Variants in MARCHF7 observed in about 807,000 individuals in gnomAD.
MARCHF7 encodes the protein E3 ubiquitin-protein ligase MARCHF7.
A neutral mutation model predicts 76.5 loss-of-function variants in MARCHF7; 20 were observed. That is an observed-to-expected ratio of 0.26 (90% CI 0.18 to 0.38). The LOEUF (loss-of-function observed/expected upper bound fraction) is 0.38. Among genes scored for constraint, MARCHF7 ranks in the 10% least tolerant of loss-of-function variants. The pLI is 1.00. For missense variants in MARCHF7, 797 were observed against 812.9 expected (o/e 0.98, Z 0.24); for synonymous variants, 295 against 293.0 (o/e 1.01, Z -0.07).
intron 7 of MARCHF7, among the ~76,000 whole-genome samples, 191 bp downstream of exon 7, chr2:159,749,094 T>G (rs1278417935): frequency 6.6e-6 from 1 of 151,316 alleles, no homozygotes; most frequent in Non-Finnish European, 1.5e-5. Context: ...TTCTCCTGTT[T>G]CAGCCTCCCG....
At chr2:159,733,031 TATA>T (rs1273141626) in intron 4 of MARCHF7, 1 of 609,816 alleles carries the variant, frequency 1.6e-6, no homozygotes, top group Non-Finnish European at 2.1e-6. Context: ...TGTTACTAAT[TATA>T]ATTATTTATA....
chr2:159,750,006 A>G (rs1306460697), intron 7 of MARCHF7, among the ~76,000 whole-genome samples: 2 of 152,212 alleles, frequency 1.3e-5, no homozygotes, highest in Admixed American at 1.3e-4. Flanking sequence ...TTTGATTCAC[A>G]AGATAAAATT....
At chr2:159,749,357 T>C (rs1457443703) in intron 7 of MARCHF7, among the ~76,000 whole-genome samples, 1 of 151,898 alleles carries the variant, frequency 6.6e-6, no homozygotes, top group Non-Finnish European at 1.5e-5. Context: ...TTTTTGTTGT[T>C]GTTGTTGTTG....
At position 159,729,079 on chromosome 2, in the gene MARCHF7, C is replaced by G. The variant is rs766188307; in HGVS notation, c.57C>G (p.Ser19=). 9 of 1,610,928 alleles carry G rather than the reference C, an allele frequency of 5.6e-6. No individual in the cohort carries two copies. Among genetic ancestry groups the G allele is most frequent in the Non-Finnish European group, 7.6e-6 (9 of 1,178,804 alleles). The change falls in exon 4 of 12, where the codon TCC becomes TCG. Residue 19 remains serine (S), a synonymous_variant. Transcript: ENST00000409175. The part of the protein sequence containing the change: ...PRRISVQPSS[S]LSARMMSGSR... ...GAATTTCTGTTCAACCTTCCAGCTCCTTAAGTGCTAGGATGATGTCTGGAA... is the reference window on the plus strand; with the variant it reads ...GAATTTCTGTTCAACCTTCCAGCTCGTTAAGTGCTAGGATGATGTCTGGAA...
intron 2 of MARCHF7, 46 bp from the exon 3 acceptor site, chr2:159,715,635 A>C (rs1035018513): frequency 6.6e-6 from 1 of 152,144 alleles, no homozygotes; most frequent in African/African-American, 2.4e-5. Context: ...CCTGAGTGTG[A>C]GTCACTGCAT....
intron 11 of MARCHF7, among the ~76,000 whole-genome samples, chr2:159,765,600 A>G (rs979992568): frequency 6.6e-6 from 1 of 152,162 alleles, no homozygotes; most frequent in Non-Finnish European, 1.5e-5. Flanking sequence ...TTGGAGTGTT[A>G]TCTATAGTGT....
In MARCHF7 at chr2:159,730,404, G is replaced by A. The variant is rs562919513; in HGVS notation, c.153+1229G>A. Among the ~76,000 whole-genome samples, 3 of 152,278 alleles carry A rather than the reference G, an allele frequency of 2.0e-5. No individual in the cohort carries two copies. The East Asian group carries it at 5.8e-4, about 29-fold the overall frequency. Reference sequence around the variant, plus strand: ...ATATATGACAAAGTCTCATAAAAATGTTCGTACACAGTAGTAAGCATTCTT... The same window carrying A: ...ATATATGACAAAGTCTCATAAAAATATTCGTACACAGTAGTAAGCATTCTT... On this transcript the variant is annotated intron_variant, in intron 4 of 11. Transcript: ENST00000409175.
intron 4 of MARCHF7, among the ~76,000 whole-genome samples, chr2:159,738,444 G>A (rs1703730176): frequency 6.6e-6 from 1 of 152,164 alleles, no homozygotes; most frequent in Non-Finnish European, 1.5e-5. Flanking sequence ...CCGAGTTCTT[G>A]TCCCACGTCC....
chr2:159,722,381 A>G (rs1574205288), intron 3 of MARCHF7, among the ~76,000 whole-genome samples: 1 of 152,126 alleles, frequency 6.6e-6, no homozygotes, highest in African/African-American at 2.4e-5. Flanking sequence ...CAAGTGATCC[A>G]CCTCGGCCTC....
chr2:159,713,545 C>T lies in MARCHF7; in HGVS notation c.-143+939C>T, dbSNP rs79556839. ...TCTGATTACATGTTATTTTAAATCT[C>T]CACCTTTCTGTCCAGAACCAAGATG... On this transcript the variant is annotated intron_variant, in intron 1 of 11. Transcript: ENST00000409175. Among the ~76,000 whole-genome samples, 1,463 of 152,262 alleles carry T rather than the reference C, an allele frequency of 9.6e-3. 23 individuals are homozygous for T. Among genetic ancestry groups the T allele is most frequent in the African/African-American group, 0.034 (1,416 of 41,538 alleles).
intron 4 of MARCHF7, among the ~76,000 whole-genome samples, chr2:159,738,886 C>T (rs1351186459): frequency 1.3e-5 from 2 of 152,218 alleles, no homozygotes; most frequent in African/African-American, 4.8e-5. Context: ...CTGTTCATGG[C>T]ACCCAGGCTG....
At position 159,743,120 on chromosome 2, in the gene MARCHF7, G is replaced by C. The variant is rs1400416730; in HGVS notation, c.213G>C (p.Glu71Asp). 1.9e-6 allele frequency: 3 copies of C among 1,614,172 alleles called. No homozygotes were observed. The South Asian group carries it at 3.3e-5, about 18-fold the overall frequency. Residue 71 changes from glutamate to aspartate, a missense_variant, in exon 5 of 12, where the codon GAG (glutamate) becomes GAC (aspartate). Coordinates refer to ENST00000409175, the MANE Select transcript of MARCHF7 (RefSeq NM_001282805.2). ...AATCTGCATGGTATAGTGAATCTGA[G>C]ATAACTCAGGGAGCACGCTCAAGAT... Reference protein sequence around the residue: ...PFQSAWYSESEITQGARSRSQ... With the variant: ...PFQSAWYSESDITQGARSRSQ...
intron 4 of MARCHF7, among the ~76,000 whole-genome samples, chr2:159,737,766 C>T (rs1262868579): frequency 3.9e-5 from 6 of 152,218 alleles, no homozygotes; most frequent in African/African-American, 1.2e-4. Context: ...CTAGCCTGGG[C>T]AACAGAGCTG....
chr2:159,728,877 C>A, intron 3 of MARCHF7, 132 bp from the exon 4 acceptor site: 1 of 486,328 alleles, frequency 2.1e-6, no homozygotes, highest in Non-Finnish European at 3.5e-6. Flanking sequence ...GTGATCATTT[C>A]ACAATTTACG....
At chr2:159,741,810 T>C (rs1241144372) in intron 4 of MARCHF7, among the ~76,000 whole-genome samples, 1 of 152,222 alleles carries the variant, frequency 6.6e-6, no homozygotes, top group Admixed American at 6.5e-5. Flanking sequence ...ATTTTTCTTT[T>C]ATATCCTGAA....
At chr2:159,743,359 G>T in intron 5 of MARCHF7, 106 bp downstream of exon 5, 2 of 1,020,348 alleles carry the variant, frequency 2.0e-6, no homozygotes, top group South Asian at 1.7e-5. Context: ...AAGACAGTGG[G>T]TCAGAAATGT....
At chr2:159,726,688 C>T (rs905449318) in intron 3 of MARCHF7, among the ~76,000 whole-genome samples, 1 of 152,108 alleles carries the variant, frequency 6.6e-6, no homozygotes, top group African/African-American at 2.4e-5. Context: ...TGTTTGTGTA[C>T]AATTCAGTAT....
chr2:159,721,477 A>G (rs753904341), intron 3 of MARCHF7, among the ~76,000 whole-genome samples: 2 of 152,202 alleles, frequency 1.3e-5, no homozygotes, highest in South Asian at 2.1e-4. Context: ...TAACAGAGTA[A>G]AAGTATGTCT....
intron 8 of MARCHF7, among the ~76,000 whole-genome samples, chr2:159,758,687 T>C (rs1168194614): frequency 6.6e-6 from 1 of 152,236 alleles, no homozygotes; most frequent in Non-Finnish European, 1.5e-5. Context: ...CTTTTATGAC[T>C]GAAGGGAGCT....
Sources: gnomAD v4.1 joint callset for allele counts (sites outside exome capture counted in the v4.1 genomes callset) on GRCh38, gnomAD v4.1.1 for gene constraint, MANE v1.5 for transcripts, NCBI Gene and HGNC (gene_info 2026-07-23, HGNC 2026-07-21) for gene names.